Variants in EPHA6 observed in about 807,000 individuals in gnomAD.
The protein encoded by EPHA6 is EPH receptor A6, also known as ephrin type-A receptor 6.
A neutral mutation model predicts 112.0 loss-of-function variants in EPHA6; 50 were observed. The observed-to-expected ratio is 0.45, with a 90% CI of 0.36 to 0.56. The LOEUF (loss-of-function observed/expected upper bound fraction) is 0.56. EPHA6 is among the 20% of genes least tolerant of loss of function. EPHA6 has a pLI of 0.00. For missense variants in EPHA6, 1,280 were observed against 1,417.4 expected (o/e 0.90, Z 1.56); for synonymous variants, 529 against 490.7 (o/e 1.08, Z -1.03).
chr3:97,309,094 T>C (rs765601915), intron 5 of EPHA6, among the ~76,000 whole-genome samples: 3 of 151,782 alleles, frequency 2.0e-5, no homozygotes, highest in Non-Finnish European at 4.4e-5. Context: ...ATTTTGTATA[T>C]GCTTTCTAAA....
chr3:96,962,635 G>A (rs886263492), intron 2 of EPHA6, among the ~76,000 whole-genome samples: 2 of 150,386 alleles, frequency 1.3e-5, no homozygotes, highest in African/African-American at 4.9e-5. Flanking sequence ...TCCCTTTTAA[G>A]CTTAATTTTT....
intron 5 of EPHA6, among the ~76,000 whole-genome samples, chr3:97,264,530 T>C (rs1281956034): frequency 2.6e-5 from 4 of 152,194 alleles, no homozygotes; most frequent in Admixed American, 6.5e-5. Context: ...CAGCCCTGGA[T>C]TGGGGAGCTC....
At chr3:97,007,811 C>T (rs1024470343) in intron 3 of EPHA6, among the ~76,000 whole-genome samples, 1 of 152,128 alleles carries the variant, frequency 6.6e-6, no homozygotes, top group Non-Finnish European at 1.5e-5. Flanking sequence ...GTAATGAAAT[C>T]CCTGAGCATT....
intron 5 of EPHA6, among the ~76,000 whole-genome samples, chr3:97,291,173 T>C (rs527374605): frequency 1.3e-5 from 2 of 152,350 alleles, no homozygotes; most frequent in Admixed American, 1.3e-4. Context: ...TTCTATATGT[T>C]CATACTATTT....
intron 12 of EPHA6, among the ~76,000 whole-genome samples, chr3:97,610,245 C>G (rs926043016): frequency 4.0e-5 from 6 of 151,534 alleles, no homozygotes; most frequent in African/African-American, 1.5e-4. Flanking sequence ...ATTCATCAAT[C>G]TAAAATTTTT....
intron 5 of EPHA6, among the ~76,000 whole-genome samples, chr3:97,404,294 C>T (rs961302156): frequency 1.4e-5 from 2 of 144,906 alleles, no homozygotes; most frequent in African/African-American, 5.8e-5. Flanking sequence ...ATCCTACAGC[C>T]TAGCCAACAG....
At chr3:97,214,296 C>G (rs1393062498) in intron 3 of EPHA6, among the ~76,000 whole-genome samples, 1 of 151,960 alleles carries the variant, frequency 6.6e-6, no homozygotes, top group Non-Finnish European at 1.5e-5. Flanking sequence ...ACCTTAGCTT[C>G]CTAAAGTGAT....
rs184878145 is a variant in EPHA6 at position 97,304,594 on chromosome 3, A to G, written c.1606+60307A>G. 2.6e-3 allele frequency among the ~76,000 whole-genome samples: 401 copies of G among 152,174 alleles called. 4 individuals are homozygous for G. Among genetic ancestry groups the G allele is most frequent in the East Asian group, 8.0e-3 (41 of 5,156 alleles). On this transcript the variant is annotated intron_variant, in intron 5 of 17. Coordinates refer to ENST00000389672, the MANE Select transcript of EPHA6 (RefSeq NM_001080448.3). ...AGAGATCTCAGAAATAAGACCACAC[A>G]TCTATAGCCATCTGATCTTTGATAA...
chr3:97,738,851 T>C (rs1348462560), intron 16 of EPHA6, among the ~76,000 whole-genome samples: 1 of 152,130 alleles, frequency 6.6e-6, no homozygotes, highest in African/African-American at 2.4e-5. Context: ...GCCATTAATA[T>C]ACTTTTGTTT....
chr3:97,401,892 T>A (rs1394492314), intron 5 of EPHA6, among the ~76,000 whole-genome samples: 1 of 151,976 alleles, frequency 6.6e-6, no homozygotes, highest in African/African-American at 2.4e-5. Context: ...CAAGAAAATG[T>A]GTAATTTCTT....
At chr3:96,980,592 G>A (rs2042726746) in intron 2 of EPHA6, among the ~76,000 whole-genome samples, 1 of 152,158 alleles carries the variant, frequency 6.6e-6, no homozygotes, top group Non-Finnish European at 1.5e-5. Flanking sequence ...TGTGAAGAAA[G>A]TCATTGGTAG....
intron 13 of EPHA6, among the ~76,000 whole-genome samples, chr3:97,636,049 G>T (rs140437724): frequency 4.1e-4 from 62 of 152,180 alleles, no homozygotes; most frequent in African/African-American, 1.2e-3. Context: ...TAAGTGAGGA[G>T]CTGTGCTGTC....
intron 3 of EPHA6, among the ~76,000 whole-genome samples, chr3:97,161,687 A>G (rs978822605): frequency 6.6e-6 from 1 of 152,122 alleles, no homozygotes; most frequent in Non-Finnish European, 1.5e-5. Context: ...ATATCTTGAT[A>G]TGCTCTAAAC....
intron 14 of EPHA6, chr3:97,648,423 G>C: frequency 6.8e-7 from 1 of 1,476,446 alleles, no homozygotes; most frequent in Middle Eastern, 1.8e-4. Context: ...GCAGCATGAG[G>C]GGAAGGTATT....
intron 5 of EPHA6, among the ~76,000 whole-genome samples, chr3:97,320,170 G>A (rs1016337239): frequency 6.6e-6 from 1 of 151,888 alleles, no homozygotes; most frequent in East Asian, 1.9e-4. Flanking sequence ...TCTTATTTTA[G>A]CCAGAGAACA....
At chr3:97,564,695 G>A (rs2093237528) in intron 11 of EPHA6, among the ~76,000 whole-genome samples, 1 of 152,004 alleles carries the variant, frequency 6.6e-6, no homozygotes, top group South Asian at 2.1e-4. Context: ...CATGGGAAAA[G>A]AAAAGAAGAT....
At chr3:97,010,175 C>A in intron 3 of EPHA6, 2 of 961,876 alleles carry the variant, frequency 2.1e-6, no homozygotes, top group Non-Finnish European at 2.8e-6. Context: ...ATTAAGAAGA[C>A]ATTGTGTTGG....
At chr3:97,718,743 GCATGAAAACCTCGGGCTT>G (rs919712979) in intron 14 of EPHA6, among the ~76,000 whole-genome samples, 3 of 152,080 alleles carry the variant, frequency 2.0e-5, no homozygotes, top group Non-Finnish European at 4.4e-5. Flanking sequence ...CTGCCCCAAT[GCATGAAAACCTCGGGCTT>G]CAGGCTTCCT....
In EPHA6 at chr3:97,089,458, A is replaced by G. The variant is rs141340297; in HGVS notation, c.1114+101465A>G. 1.5e-3 allele frequency among the ~76,000 whole-genome samples: 231 copies of G among 152,146 alleles called. 1 individual carries two copies. The highest frequency in any genetic ancestry group is 5.2e-3 in the African/African-American group (215 of 41,524). ...GTGTATCTTTCTGTATTCTTTCTGT[A>G]ATCTTTCTGATGGTGGTATATCAAC... On this transcript the variant is annotated intron_variant, in intron 3 of 17. Coordinates refer to ENST00000389672, the MANE Select transcript of EPHA6 (RefSeq NM_001080448.3).
Sources: allele counts gnomAD v4.1 joint callset (sites outside exome capture counted in the v4.1 genomes callset), GRCh38; gene constraint gnomAD v4.1.1; transcripts MANE v1.5; gene names NCBI Gene and HGNC (gene_info 2026-07-23, HGNC 2026-07-21).